Variants in VAPB observed in about 807,000 individuals in gnomAD.
VAPB encodes the protein VAMP associated protein B and C, also known as vesicle-associated membrane protein-associated protein B/C.
VAPB carries 7 observed loss-of-function variants against 25.6 expected under a neutral mutation model. The observed-to-expected ratio is 0.27, with a 90% CI of 0.16 to 0.51. The LOEUF (loss-of-function observed/expected upper bound fraction) is 0.51. VAPB is among the 20% of genes least tolerant of loss of function. VAPB has a pLI of 0.97. For synonymous variants in VAPB, 112 were observed against 109.2 expected (o/e 1.03, Z -0.16); for missense variants, 266 against 301.3 (o/e 0.88, Z 0.87).
At chr20:58,427,239 T>C (rs1285973599) in intron 2 of VAPB, among the ~76,000 whole-genome samples, 4 of 152,026 alleles carry the variant, frequency 2.6e-5, no homozygotes, top group Non-Finnish European at 4.4e-5. Flanking sequence ...ACAATTATGA[T>C]GCAGGCGAAA....
intron 3 of VAPB, among the ~76,000 whole-genome samples, chr20:58,435,042 T>C (rs1486722195): frequency 6.6e-6 from 1 of 152,194 alleles, no homozygotes; most frequent in Middle Eastern, 3.2e-3. Flanking sequence ...AAAAGGATAC[T>C]TTTCATTGTC....
At chr20:58,413,836 C>T (rs1261478396) in intron 1 of VAPB, among the ~76,000 whole-genome samples, 1 of 137,720 alleles carries the variant, frequency 7.3e-6, no homozygotes, top group Non-Finnish European at 1.6e-5. Flanking sequence ...GACCCCGCCA[C>T]CTCCCTCCCA....
At chr20:58,416,781 C>T (rs1218221493) in intron 1 of VAPB, among the ~76,000 whole-genome samples, 2 of 150,972 alleles carry the variant, frequency 1.3e-5, no homozygotes, top group African/African-American at 4.9e-5. Context: ...TTTCCATGCC[C>T]GGAGCACCTC....
At chr20:58,441,250 A>C (rs1303955169) in intron 5 of VAPB, among the ~76,000 whole-genome samples, 167 bp downstream of exon 5, 1 of 152,110 alleles carries the variant, frequency 6.6e-6, no homozygotes, top group African/African-American at 2.4e-5. Flanking sequence ...TGAGAGTCTC[A>C]AAAGGGTCCT....
intron 1 of VAPB, among the ~76,000 whole-genome samples, chr20:58,413,052 C>T (rs557553276): frequency 2.4e-4 from 37 of 151,658 alleles, no homozygotes; most frequent in African/African-American, 7.7e-4. Flanking sequence ...TCTTAAGGCC[C>T]AATTTTTGTA....
chr20:58,391,257 G>C (rs1987788490), intron 1 of VAPB, among the ~76,000 whole-genome samples: 1 of 152,172 alleles, frequency 6.6e-6, no homozygotes, highest in African/African-American at 2.4e-5. Flanking sequence ...TATATCAGCT[G>C]TACTCTCCTA....
intron 3 of VAPB, among the ~76,000 whole-genome samples, chr20:58,438,214 C>T (rs1221228312): frequency 2.0e-5 from 3 of 152,034 alleles, no homozygotes; most frequent in Non-Finnish European, 4.4e-5. Context: ...GAAACTAGTC[C>T]CAGATAGTAT....
At position 58,418,239 on chromosome 20, in the gene VAPB, C is replaced by A; in HGVS notation, c.87C>A (p.Asn29Lys). Residue 29 changes from asparagine (N) to lysine (K), a missense_variant, in exon 2 of 6, where the codon AAC (asparagine) becomes AAA (lysine). Physicochemically the swap from Asn to Lys is moderately conservative, Grantham distance 94. Around this residue, in one of 3 missense-constraint regions of VAPB, gnomAD observed 98 missense variants for 147.1 expected, o/e 0.67. Transcript: ENST00000475243. Reference sequence around the variant, plus strand: ...CCTTCACCGATGTTGTCACCACCAACCTAAAGCTTGGCAACCCGACAGACC... The same window carrying A: ...CCTTCACCGATGTTGTCACCACCAAACTAAAGCTTGGCAACCCGACAGACC... ...RGPFTDVVTTNLKLGNPTDRN... is the reference protein window; with the variant it reads ...RGPFTDVVTTKLKLGNPTDRN... The A allele has an allele frequency of 6.2e-7, 1 of 1,614,172 alleles. No homozygotes were observed. Among genetic ancestry groups the A allele is most frequent in the Non-Finnish European group, 8.5e-7 (1 of 1,180,032 alleles).
rs988073753 is a variant in VAPB at position 58,393,349 on chromosome 20, T to C, written c.58+3832T>C. 3.3e-5 allele frequency among the ~76,000 whole-genome samples: 5 copies of C among 152,080 alleles called. No homozygotes were observed. The East Asian group carries it at 9.7e-4, about 29-fold the overall frequency. ...TGCAGCCTAAGTGTGTGTTTTCTTT[T>C]ATATTTCTTTTTGTCTTTTTCACTA... is the stretch of plus-strand genomic sequence containing the variant. On this transcript the variant is annotated intron_variant, in intron 1 of 5. Coordinates refer to ENST00000475243, the MANE Select transcript of VAPB (RefSeq NM_004738.5).
chr20:58,451,017 A>T lies in VAPB; in HGVS notation c.*6782A>T. 2.2e-6 allele frequency: 1 copy of T among 450,974 alleles called. No homozygotes were observed. Among genetic ancestry groups the T allele is most frequent in the East Asian group, 7.0e-5 (1 of 14,358 alleles). The allele number at this position is 450,974 out of a possible 1,614,324, so 27.9% of individuals were successfully genotyped here. A position where few individuals can be genotyped will look rare whatever the true frequency, so the allele number is the denominator to read the frequency against. Reference sequence around the variant, plus strand: ...CCCATGTTCCATTATCAGCCTGATGAAACCTGCCCTGCCAAGGCATAAACT... The same window carrying T: ...CCCATGTTCCATTATCAGCCTGATGTAACCTGCCCTGCCAAGGCATAAACT... On this transcript the variant is annotated 3_prime_UTR_variant, in exon 6 of 6. Coordinates refer to ENST00000475243, the MANE Select transcript of VAPB (RefSeq NM_004738.5).
rs748044919 is a variant in VAPB at position 58,448,835 on chromosome 20, C to T, written c.*4600C>T. ...TTGCCTGAAGATCTCTGCTGATGCT[C>T]CTGGAGAATGACTTTGGGGGCTTTA... On this transcript the variant is annotated 3_prime_UTR_variant, in exon 6 of 6. Coordinates refer to ENST00000475243, the MANE Select transcript of VAPB (RefSeq NM_004738.5). The T allele has an allele frequency of 5.3e-5, 24 of 453,952 alleles. No homozygotes were observed. Among genetic ancestry groups the T allele is most frequent in the Non-Finnish European group, 7.5e-5 (17 of 226,806 alleles). The allele number at this position is 453,952 out of a possible 1,614,324, so 28.1% of individuals were successfully genotyped here.
chr20:58,441,174 G>A (rs1349805766), intron 5 of VAPB, 91 bp downstream of exon 5: 4 of 1,412,496 alleles, frequency 2.8e-6, no homozygotes, highest in Non-Finnish European at 3.9e-6. Context: ...TGAATATATA[G>A]ATTTCTTTTT....
intron 1 of VAPB, among the ~76,000 whole-genome samples, chr20:58,403,463 G>A (rs769439673): frequency 2.6e-5 from 4 of 152,116 alleles, no homozygotes; most frequent in Non-Finnish European, 5.9e-5. Flanking sequence ...TTGGGGAAGC[G>A]GTGAATCTCA....
rs769862690 is a variant in VAPB, at chr20:58,444,445, ACTG to A, written c.*211_*213del. 0.055 allele frequency: 39,861 copies of A among 722,240 alleles called. 1,375 individuals are homozygous for A. The highest frequency in any genetic ancestry group is 0.071 in the Non-Finnish European group (29,033 of 410,080). The allele number at this position is 722,240 out of a possible 1,614,324, so 44.7% of individuals were successfully genotyped here. On this transcript the variant is annotated 3_prime_UTR_variant, in exon 6 of 6. Coordinates refer to ENST00000475243, the MANE Select transcript of VAPB (RefSeq NM_004738.5). ...TTTAGAAAGTTAAAAATGTATAGTA[ACTG>A]ATTGAGGGGGAAAAGAATGATCTTT...
chr20:58,436,903 T>C (rs1329541340), intron 3 of VAPB, among the ~76,000 whole-genome samples: 1 of 151,752 alleles, frequency 6.6e-6, no homozygotes, highest in Non-Finnish European at 1.5e-5. Context: ...TATTATTATG[T>C]GATAAATTCA....
rs141683494 is a variant in VAPB at position 58,391,108 on chromosome 20, C to T, written c.58+1591C>T. Among the ~76,000 whole-genome samples the T allele has an allele frequency of 1.9e-3, 295 of 152,276 alleles. 5 individuals are homozygous for T. The East Asian group carries it at 0.045, about 23-fold the overall frequency. On this transcript the variant is annotated intron_variant, in intron 1 of 5. Transcript: ENST00000475243. Reference sequence around the variant, plus strand: ...AGTGAAAATAGTGAGCCTTAGTTTCCACTTGAGTTGTCTGAAGTTCTTTCT... The same window carrying T: ...AGTGAAAATAGTGAGCCTTAGTTTCTACTTGAGTTGTCTGAAGTTCTTTCT...
intron 5 of VAPB, among the ~76,000 whole-genome samples, chr20:58,441,677 C>T (rs868702334): frequency 6.6e-6 from 1 of 152,336 alleles, no homozygotes; most frequent in African/African-American, 2.4e-5. Context: ...ACAACTCAAA[C>T]TCTCCATTAT....
At chr20:58,395,447 C>T (rs1987932534) in intron 1 of VAPB, among the ~76,000 whole-genome samples, 1 of 152,130 alleles carries the variant, frequency 6.6e-6, no homozygotes, top group Non-Finnish European at 1.5e-5. Flanking sequence ...CTGCGCCAGG[C>T]CAAGAGTGTC....
intron 1 of VAPB, among the ~76,000 whole-genome samples, chr20:58,396,941 A>G (rs1057420046): frequency 9.9e-5 from 15 of 152,184 alleles, no homozygotes; most frequent in Admixed American, 6.5e-4. Context: ...AAAGCCTTGT[A>G]CTTTCCCTCA....
Sources: gnomAD v4.1 joint callset for allele counts (sites outside exome capture counted in the v4.1 genomes callset) on GRCh38, gnomAD v4.1.1 for gene constraint, gnomAD v4.1.1 regional missense constraint, MANE v1.5 for transcripts, NCBI Gene and HGNC (gene_info 2026-07-23, HGNC 2026-07-21) for gene names.